KIT: variants seen among roughly 807,000 people sequenced by gnomAD.
The protein encoded by KIT is KIT proto-oncogene, receptor tyrosine kinase, also known as mast/stem cell growth factor receptor Kit.
In KIT, 16 loss-of-function variants were observed where a neutral mutation model predicts 105.7. That is an observed-to-expected ratio of 0.15 (90% CI 0.10 to 0.23). The LOEUF (loss-of-function observed/expected upper bound fraction) is 0.23, where lower values mean the gene tolerates loss of function less well. Ranked by LOEUF, KIT falls within the 10% of genes least tolerant of loss-of-function variation. The pLI is 1.00. For missense variants in KIT, 858 were observed against 1,213.8 expected, an observed-to-expected ratio of 0.71 and a Z score of 4.36; for synonymous variants, 438 against 441.1, an observed-to-expected ratio of 0.99 and a Z score of 0.09.
Position 54,727,692 on chromosome 4 carries a change from G to C in KIT, c.1775-131G>C, listed in dbSNP as rs7660233. On this transcript the variant is annotated intron_variant, in intron 11 of 20. Coordinates refer to ENST00000288135, the MANE Select transcript of KIT (RefSeq NM_000222.3). ...CCCCTTTTGATAGGTTTGCCATAGA[G>C]AACATCGTAGGAAAATGTCTCTGGA... The C allele has an allele frequency of 1.4e-3, 1,796 of 1,284,898 alleles. 16 individuals carry two copies. In the African/African-American group the frequency reaches 0.023, roughly 16 times the overall value. 79.6% of individuals were successfully genotyped at this position (1,284,898 alleles called of 1,614,324 possible).
intron 1 of KIT, among the ~76,000 whole-genome samples, chr4:54,682,334 C>T (rs759364101): frequency 2.0e-5 from 3 of 152,124 alleles, no homozygotes; most frequent in Non-Finnish European, 2.9e-5. Flanking sequence ...GCAATCCTCC[C>T]GCCTTGACCT....
chr4:54,677,702 C>A (rs1230552927), intron 1 of KIT, among the ~76,000 whole-genome samples: 2 of 152,278 alleles, frequency 1.3e-5, no homozygotes, highest in East Asian at 3.9e-4. Context: ...TTTACTTTGG[C>A]CTGGTTGAAG....
At chr4:54,699,066 T>G (rs112441339) in intron 3 of KIT, among the ~76,000 whole-genome samples, 7 of 152,358 alleles carry the variant, frequency 4.6e-5, no homozygotes, top group African/African-American at 1.7e-4. Context: ...GTAGAATATT[T>G]CGTTAGCTGG....
chr4:54,738,711 ATTTTTG>A lies in KIT; in HGVS notation c.*156_*161del. 1 of 934,102 alleles carries A rather than the reference ATTTTTG, an allele frequency of 1.1e-6. No homozygotes were observed. The highest frequency in any genetic ancestry group is 1.7e-6 in the Non-Finnish European group (1 of 582,808). The allele number at this position is 934,102 out of a possible 1,614,324, so 57.9% of individuals were successfully genotyped here. A position where few individuals can be genotyped will look rare whatever the true frequency, so the allele number is the denominator to read the frequency against. On this transcript the variant is annotated 3_prime_UTR_variant, in exon 21 of 21. Coordinates refer to ENST00000288135, the MANE Select transcript of KIT (RefSeq NM_000222.3). ...TCTGAGCACACTTTAGTGGCCGATGATTTTTGTCATCAGCCACCATCCTATTGCAAA... is the reference window on the plus strand; with the variant it reads ...TCTGAGCACACTTTAGTGGCCGATGATCATCAGCCACCATCCTATTGCAAA...
At chr4:54,730,560 A>G (rs952249376) in intron 14 of KIT, among the ~76,000 whole-genome samples, 1 of 152,128 alleles carries the variant, frequency 6.6e-6, no homozygotes, top group Non-Finnish European at 1.5e-5. Flanking sequence ...TCTCCTGGGC[A>G]TGTGCTCATT....
At chr4:54,658,686 T>G (rs1402531696) in intron 1 of KIT, among the ~76,000 whole-genome samples, 1 of 152,026 alleles carries the variant, frequency 6.6e-6, no homozygotes, top group Admixed American at 6.5e-5. Context: ...AATCGAAGGC[T>G]GCGGCGTTTC....
chr4:54,703,900 C>T lies in KIT; in HGVS notation c.925+8C>T, dbSNP rs2109693868. 6.2e-7 allele frequency: 1 copy of T among 1,604,350 alleles called. No homozygotes were observed. The highest frequency in any genetic ancestry group is 8.5e-7 in the Non-Finnish European group (1 of 1,171,300). On this transcript the variant is annotated splice_region_variant and intron_variant, in intron 5 of 20. Coordinates refer to ENST00000288135, the MANE Select transcript of KIT (RefSeq NM_000222.3). ...CAACCTTGGAAGTAGTAGGTAAATA[C>T]CTCTATGGGAATGTTTAAATTACTG...
At chr4:54,698,165 G>GA (rs571034468) in intron 2 of KIT, 119 bp from the exon 3 acceptor site, 90 of 1,063,916 alleles carry the variant, frequency 8.5e-5, no homozygotes, top group Non-Finnish European at 1.1e-4. Flanking sequence ...TGTTTACACA[G>GA]AAAAAAGCAG....
At chr4:54,701,538 T>C (rs1430300946) in intron 4 of KIT, among the ~76,000 whole-genome samples, 1 of 152,236 alleles carries the variant, frequency 6.6e-6, no homozygotes, top group Non-Finnish European at 1.5e-5. Flanking sequence ...GCTTTCTTAA[T>C]GCCTCTAAAC....
rs776858609 is a variant in KIT at position 54,698,396 on chromosome 4, G to T, written c.450G>T (p.Gly150=). Residue 150 remains glycine, a synonymous_variant, in exon 3 of 21, where the codon GGG becomes GGT. Transcript: ENST00000288135. ...DPEVTNYSLK[G]CQGKPLPKDL... ...AAGTGACCAATTATTCCCTCAAGGG[G>T]TGCCAGGGGAAGCCTCTTCCCAAGG... 4 of 1,614,060 alleles carry T rather than the reference G, an allele frequency of 2.5e-6. No homozygotes were observed. In the South Asian group the frequency reaches 3.3e-5, roughly 13 times the overall value.
intron 7 of KIT, among the ~76,000 whole-genome samples, chr4:54,719,339 A>G (rs1721706999): frequency 6.6e-6 from 1 of 152,168 alleles, no homozygotes; most frequent in Non-Finnish European, 1.5e-5. Flanking sequence ...CTATGTTCTT[A>G]AAATTCATTT....
intron 7 of KIT, among the ~76,000 whole-genome samples, chr4:54,722,670 G>C (rs1026629737): frequency 6.6e-6 from 1 of 151,954 alleles, no homozygotes; most frequent in Non-Finnish European, 1.5e-5. Context: ...GAACCACCGA[G>C]TATAAGTGCA....
intron 6 of KIT, among the ~76,000 whole-genome samples, chr4:54,708,812 G>A (rs1219053691): frequency 6.6e-6 from 1 of 152,148 alleles, no homozygotes; most frequent in Non-Finnish European, 1.5e-5. Flanking sequence ...CGGAGCCCCT[G>A]CCAGTAACCC....
chr4:54,724,924 G>T (rs1400511155), intron 8 of KIT, among the ~76,000 whole-genome samples: 2 of 152,192 alleles, frequency 1.3e-5, no homozygotes, highest in African/African-American at 4.8e-5. Flanking sequence ...ATGTATGTAG[G>T]TGTTAAGAAA....
chr4:54,705,368 G>A (rs1356181868), intron 5 of KIT, among the ~76,000 whole-genome samples: 1 of 152,148 alleles, frequency 6.6e-6, no homozygotes, highest in Non-Finnish European at 1.5e-5. Flanking sequence ...GTGGCTGGGA[G>A]GAGGGTTTGG....
At chr4:54,705,199 A>T (rs1720712478) in intron 5 of KIT, among the ~76,000 whole-genome samples, 1 of 152,254 alleles carries the variant, frequency 6.6e-6, no homozygotes, top group South Asian at 2.1e-4. Flanking sequence ...TGTTGTATGT[A>T]ATCGGATTTT....
chr4:54,713,073 T>C (rs545297163), intron 7 of KIT, among the ~76,000 whole-genome samples: 1 of 152,044 alleles, frequency 6.6e-6, no homozygotes, highest in South Asian at 2.1e-4. Flanking sequence ...TTTTTTTAAT[T>C]GAAAAAAAAT....
chr4:54,701,831 T>C (rs1720470418), intron 4 of KIT, among the ~76,000 whole-genome samples: 1 of 152,228 alleles, frequency 6.6e-6, no homozygotes, highest in African/African-American at 2.4e-5. Context: ...AGTTTGAAAA[T>C]GTTGCTTCAC....
At chr4:54,677,759 C>T (rs544283848) in intron 1 of KIT, among the ~76,000 whole-genome samples, 1 of 152,284 alleles carries the variant, frequency 6.6e-6, no homozygotes, top group East Asian at 1.9e-4. Flanking sequence ...ATGGAAGTTG[C>T]CCTTCAGAAG....
Sources: gnomAD v4.1 joint callset for allele counts (sites outside exome capture counted in the v4.1 genomes callset) on GRCh38, gnomAD v4.1.1 for gene constraint, MANE v1.5 for transcripts, NCBI Gene and HGNC (gene_info 2026-07-23, HGNC 2026-07-21) for gene names.